DPP6: variants seen among roughly 807,000 people sequenced by gnomAD.
DPP6 encodes the protein A-type potassium channel modulatory protein DPP6.
In DPP6, 69 loss-of-function variants were observed where a neutral mutation model predicts 122.6. The observed-to-expected ratio is 0.56, with a 90% CI of 0.46 to 0.69. The LOEUF (loss-of-function observed/expected upper bound fraction) is 0.69, where lower values mean the gene tolerates loss of function less well. Ranked by LOEUF, DPP6 falls within the 30% of genes least tolerant of loss-of-function variation. DPP6 has a pLI of 0.00. For missense variants in DPP6, 928 were observed against 1,116.9 expected (o/e 0.83, Z 2.41); for synonymous variants, 418 against 433.1 (o/e 0.97, Z 0.43).
chr7:154,262,483 C>G (rs960055950), intron 1 of DPP6, among the ~76,000 whole-genome samples: 1 of 151,926 alleles, frequency 6.6e-6, no homozygotes, highest in African/African-American at 2.4e-5. Flanking sequence ...CGTCTGCAAG[C>G]CAGGGAGAGA....
the DPP6 span, among the ~76,000 whole-genome samples, chr7:153,773,868 A>G: frequency 6.6e-6 from 1 of 151,380 alleles, no homozygotes; most frequent in African/African-American, 2.4e-5. Flanking sequence ...AAGACAAAAA[A>G]AAAAAAGAAA....
intron 6 of DPP6, among the ~76,000 whole-genome samples, chr7:154,651,835 C>T (rs746154120): frequency 9.9e-5 from 15 of 152,122 alleles, no homozygotes; most frequent in Non-Finnish European, 1.9e-4. Context: ...GGTCTGTGCC[C>T]CCACAGCCCC....
chr7:154,715,731 A>G (rs10273747), intron 7 of DPP6, among the ~76,000 whole-genome samples: 75,309 of 151,904 alleles, frequency 0.5, 19,443 homozygotes, highest in Non-Finnish European at 0.57. Flanking sequence ...CTTTGTTTTG[A>G]GGGACTTTAT....
At chr7:154,772,598 C>T (rs1048882780) in intron 9 of DPP6, among the ~76,000 whole-genome samples, 5 of 152,098 alleles carry the variant, frequency 3.3e-5, no homozygotes, top group African/African-American at 9.7e-5. Context: ...ATTGCCAAAC[C>T]GGGGAGTTGG....
At chr7:154,265,231 G>A (rs1478776415) in intron 1 of DPP6, among the ~76,000 whole-genome samples, 2 of 152,078 alleles carry the variant, frequency 1.3e-5, no homozygotes, top group Non-Finnish European at 1.5e-5. Flanking sequence ...TAATGATGGT[G>A]ACAGTGATGA....
chr7:154,595,356 G>A (rs1458489134), intron 5 of DPP6, among the ~76,000 whole-genome samples: 1 of 152,138 alleles, frequency 6.6e-6, no homozygotes, highest in African/African-American at 2.4e-5. Context: ...GCATGCCCGT[G>A]TTCCTGCCTT....
chr7:153,831,004 A>G, the DPP6 span, among the ~76,000 whole-genome samples: 1 of 152,224 alleles, frequency 6.6e-6, no homozygotes, highest in African/African-American at 2.4e-5. Flanking sequence ...CACATCAGGG[A>G]AAAAGGAAGA....
the DPP6 span, among the ~76,000 whole-genome samples, chr7:153,863,131 T>G: frequency 6.6e-6 from 1 of 152,210 alleles, no homozygotes; most frequent in Non-Finnish European, 1.5e-5. Flanking sequence ...TCTTATTATA[T>G]AACTCTACCC....
chr7:154,559,275 A>AGAAG (rs535952724), intron 4 of DPP6, among the ~76,000 whole-genome samples: 3,564 of 146,670 alleles, frequency 0.024, 77 homozygotes, highest in African/African-American at 0.038. Flanking sequence ...CCACAGAAGA[A>AGAAG]AAAAAAAAAA....
At chr7:154,654,420 T>TCCTTCCTTCCTTCCTTCCTTCCTTCCTTC (rs1563065170) in intron 6 of DPP6, among the ~76,000 whole-genome samples, 4 of 139,024 alleles carry the variant, frequency 2.9e-5, no homozygotes, top group African/African-American at 8.0e-5. Context: ...TTTCTTTCTT[T>TCCTTCCTTCCTTCCTTCCTTCCTTCCTTC]CTTTCTTTCT....
At chr7:153,787,837 C>CTTTT in the DPP6 span, among the ~76,000 whole-genome samples, 26 of 139,190 alleles carry the variant, frequency 1.9e-4, no homozygotes, top group African/African-American at 6.1e-4. Flanking sequence ...TTTACAATTT[C>CTTTT]TTTTTTTTTT....
chr7:154,000,645 T>C (rs2533562), intron 1 of DPP6, among the ~76,000 whole-genome samples: 2 of 152,208 alleles, frequency 1.3e-5, no homozygotes, highest in African/African-American at 4.8e-5. Context: ...ATTTTGGCTT[T>C]CAAGTTTTCA....
intron 5 of DPP6, among the ~76,000 whole-genome samples, 169 bp from the exon 6 acceptor site, chr7:154,637,652 C>T (rs1835811106): frequency 6.6e-6 from 1 of 152,156 alleles, no homozygotes; most frequent in African/African-American, 2.4e-5. Flanking sequence ...ATAAAATAAA[C>T]AGGATATGCA....
In DPP6 at chr7:154,223,972, A is replaced by T. The variant is rs373938185; in HGVS notation, c.243+170909A>T. On this transcript the variant is annotated intron_variant, in intron 1 of 25. Coordinates refer to ENST00000377770, the MANE Select transcript of DPP6 (RefSeq NM_130797.4). Reference sequence around the variant, plus strand: ...GGAGGACACACACACTGTCACTGGGAGGACACTGTGGCCCAGACAGGGACA... The same window carrying T: ...GGAGGACACACACACTGTCACTGGGTGGACACTGTGGCCCAGACAGGGACA... Among the ~76,000 whole-genome samples the T allele has an allele frequency of 2.6e-4, 39 of 147,432 alleles. 5 individuals carry two copies. The highest frequency in any genetic ancestry group is 1.0e-3 in the African/African-American group (39 of 38,630).
rs202029342 is a variant in DPP6, at chr7:154,795,121, AG to A, written c.1261-723del. ...GGAAGGAAGGAACGTGAGGACACAA[AG>A]CAGGCAGCTAAAAATGGCTTGTAAT... On this transcript the variant is annotated intron_variant, in intron 11 of 25. Transcript: ENST00000377770. Among the ~76,000 whole-genome samples, 14 of 152,228 alleles carry A rather than the reference AG, an allele frequency of 9.2e-5. No homozygotes were observed. In the East Asian group the frequency reaches 2.5e-3, roughly 27 times the overall value.
chr7:154,224,727 C>T (rs1298156636), intron 1 of DPP6, among the ~76,000 whole-genome samples: 2 of 149,406 alleles, frequency 1.3e-5, no homozygotes, highest in Non-Finnish European at 2.9e-5. Flanking sequence ...CAATACTAGG[C>T]AATTGCACAA....
intron 1 of DPP6, among the ~76,000 whole-genome samples, chr7:154,277,606 A>G (rs185345228): frequency 9.6e-4 from 146 of 152,284 alleles, no homozygotes; most frequent in Middle Eastern, 3.4e-3. Context: ...TCTACTAAAA[A>G]TACAAAAGAT....
chr7:154,362,792 T>C (rs1563546663), intron 1 of DPP6, among the ~76,000 whole-genome samples: 1 of 152,222 alleles, frequency 6.6e-6, no homozygotes, highest in East Asian at 1.9e-4. Context: ...TTGCACCCCA[T>C]GGTTATTCTG....
intron 5 of DPP6, among the ~76,000 whole-genome samples, chr7:154,573,427 G>A (rs1831256944): frequency 6.6e-6 from 1 of 152,184 alleles, no homozygotes; most frequent in African/African-American, 2.4e-5. Flanking sequence ...CTCCTTCTGA[G>A]AAGGCAGTGG....
Sources: gnomAD v4.1 joint callset for allele counts (sites outside exome capture counted in the v4.1 genomes callset) on GRCh38, gnomAD v4.1.1 for gene constraint, MANE v1.5 for transcripts, NCBI Gene and HGNC (gene_info 2026-07-23, HGNC 2026-07-21) for gene names.